Variants in RIPOR2 observed in about 807,000 individuals in gnomAD.
RIPOR2 encodes RHO family interacting cell polarization regulator 2.
In RIPOR2, 39 loss-of-function variants were observed where a neutral mutation model predicts 114.5. The observed-to-expected ratio is 0.34, with a 90% CI of 0.26 to 0.44. RIPOR2 has a LOEUF of 0.44. RIPOR2 is among the 20% of genes least tolerant of loss of function. The pLI, the probability that RIPOR2 is intolerant of heterozygous loss-of-function variation, is 1.00. For missense variants in RIPOR2, 1,007 were observed against 1,255.1 expected, an observed-to-expected ratio of 0.80 and a Z score of 2.99; for synonymous variants, 445 against 484.4, an observed-to-expected ratio of 0.92 and a Z score of 1.07.
chr6:24,962,682 G>A (rs1001843418), intron 1 of RIPOR2, among the ~76,000 whole-genome samples: 1 of 152,032 alleles, frequency 6.6e-6, no homozygotes, highest in Non-Finnish European at 1.5e-5. Flanking sequence ...CCACTTAATA[G>A]CATTTGAAAA....
intron 1 of RIPOR2, among the ~76,000 whole-genome samples, chr6:24,997,817 C>T (rs116145964): frequency 6.6e-4 from 100 of 152,242 alleles, no homozygotes; most frequent in African/African-American, 2.3e-3. Context: ...CAGTGATTCC[C>T]GAAGTGTGGC....
rs1200843706 is a variant in RIPOR2 at position 24,905,214 on chromosome 6, TCCTGAC to T, written c.62-29403_62-29398del. Among the ~76,000 whole-genome samples the T allele has an allele frequency of 2.0e-5, 3 of 152,320 alleles. No homozygotes were observed. The East Asian group carries it at 5.8e-4, about 29-fold the overall frequency. On this transcript the variant is annotated intron_variant, in intron 1 of 21. Coordinates refer to ENST00000643898, the MANE Select transcript of RIPOR2 (RefSeq NM_001286445.3). ...AACTTAGAGAGCATTTGGTTGGCCT[TCCTGAC>T]CCAACAATCCTGTAACCCTTTTTAT...
intron 15 of RIPOR2, 85 bp downstream of exon 15, chr6:24,835,618 C>A: frequency 7.3e-7 from 1 of 1,370,876 alleles, no homozygotes; most frequent in Non-Finnish European, 1.0e-6. Context: ...ATTCTCATTT[C>A]CCTGGCAACA....
intron 1 of RIPOR2, among the ~76,000 whole-genome samples, chr6:25,008,734 G>T (rs1407942669): frequency 6.6e-6 from 1 of 152,224 alleles, no homozygotes; most frequent in Non-Finnish European, 1.5e-5. Context: ...TCTGACATCT[G>T]CTCCAAGAAT....
chr6:24,847,542 A>G (rs1748547548), intron 12 of RIPOR2: 2 of 1,551,338 alleles, frequency 1.3e-6, no homozygotes, highest in Non-Finnish European at 8.7e-7. Flanking sequence ...CCACACTCAC[A>G]TAGAGCTCTA....
intron 1 of RIPOR2, among the ~76,000 whole-genome samples, chr6:25,002,830 C>T (rs1775380036): frequency 6.6e-6 from 1 of 152,198 alleles, no homozygotes. Context: ...TGACAATTGC[C>T]TGAGCATTGT....
intron 1 of RIPOR2, among the ~76,000 whole-genome samples, chr6:24,897,848 C>A (rs181280530): frequency 6.6e-6 from 1 of 152,020 alleles, no homozygotes; most frequent in Non-Finnish European, 1.5e-5. Flanking sequence ...CTCACTGCAA[C>A]CTCCACCTCC....
chr6:24,918,852 G>C (rs1770275420), intron 1 of RIPOR2, among the ~76,000 whole-genome samples: 1 of 152,116 alleles, frequency 6.6e-6, no homozygotes, highest in Non-Finnish European at 1.5e-5. Context: ...TCTGAATCCA[G>C]CTGCATGCTA....
At position 25,010,580 on chromosome 6, in the gene RIPOR2, T is replaced by C. The variant is rs181134555; in HGVS notation, c.76+31271A>G. Among the ~76,000 whole-genome samples the C allele has an allele frequency of 9.3e-4, 141 of 152,322 alleles. 1 individual carries two copies. The highest frequency in any genetic ancestry group is 3.2e-3 in the African/African-American group (134 of 41,570). On this transcript the variant is annotated intron_variant, in intron 1 of 13. Transcript: ENST00000510784. ...AAATTAGAATTATTTTAAAATTACT[T>C]TTTCTTGTTAGATGGCATTTTTTGA...
chr6:24,901,351 A>G (rs1051293700), intron 1 of RIPOR2, among the ~76,000 whole-genome samples: 2 of 151,618 alleles, frequency 1.3e-5, no homozygotes, highest in Admixed American at 1.3e-4. Flanking sequence ...GGAAAGAGCC[A>G]TTTTGTGACA....
At chr6:24,926,431 T>C (rs1581812890) in intron 1 of RIPOR2, among the ~76,000 whole-genome samples, 1 of 152,326 alleles carries the variant, frequency 6.6e-6, no homozygotes, top group African/African-American at 2.4e-5. Context: ...GGAGACCAGA[T>C]TGATTAAAGC....
intron 1 of RIPOR2, among the ~76,000 whole-genome samples, chr6:25,029,979 T>C (rs1295568090): frequency 6.6e-6 from 1 of 151,998 alleles, no homozygotes; most frequent in Admixed American, 6.6e-5. Flanking sequence ...GTGGGAGAAC[T>C]AGACAGCCAG....
chr6:24,955,571 T>C (rs987542038), intron 1 of RIPOR2, among the ~76,000 whole-genome samples: 2 of 151,964 alleles, frequency 1.3e-5, no homozygotes, highest in African/African-American at 4.8e-5. Flanking sequence ...TCAGAGAAAA[T>C]ATAGACCATC....
chr6:24,939,903 A>T (rs1772028846), upstream of RIPOR2, among the ~76,000 whole-genome samples: 1 of 152,246 alleles, frequency 6.6e-6, no homozygotes, highest in Admixed American at 6.5e-5. Flanking sequence ...ACAGGAACAT[A>T]GCAAAGCTTT....
intron 1 of RIPOR2, among the ~76,000 whole-genome samples, chr6:24,951,501 C>T (rs564014574): frequency 2.5e-4 from 38 of 152,308 alleles, no homozygotes; most frequent in African/African-American, 9.1e-4. Flanking sequence ...TCAAAAGCAG[C>T]TTAAAGAGAA....
In RIPOR2 at chr6:24,805,670, G is replaced by A. The variant is rs758129993; in HGVS notation, c.*703C>T. ...GGGGACTACTCAACCCTGAGAACAC[G>A]ACCGAGAAAAACTGCAAGGCATATG... On this transcript the variant is annotated 3_prime_UTR_variant, in exon 22 of 22. Transcript: ENST00000643898. The A allele has an allele frequency of 1.3e-5, 2 of 152,072 alleles. No homozygotes were observed. The highest frequency in any genetic ancestry group is 6.6e-5 in the Admixed American group (1 of 15,264). The allele number at this position is 152,072 out of a possible 1,614,324, so 9.4% of individuals were successfully genotyped here.
chr6:24,831,977 G>A (rs1045352635), intron 16 of RIPOR2, among the ~76,000 whole-genome samples: 1 of 152,172 alleles, frequency 6.6e-6, no homozygotes, highest in African/African-American at 2.4e-5. Context: ...CCAGCAGAAA[G>A]TCTGTGAAAC....
chr6:24,825,373 C>T lies in RIPOR2; in HGVS notation c.2721G>A (p.Met907Ile), dbSNP rs999278063. ...GGAGGTTGCTGGGAGCAAGGTCACTCATGGTTTGTAGCAGTTTTTCATCTC... is the reference window on the plus strand; with the variant it reads ...GGAGGTTGCTGGGAGCAAGGTCACTTATGGTTTGTAGCAGTTTTTCATCTC... ...SLRDEKLLQT[M>I]SDLAPSNLLA... The change falls in exon 19 of 22, where the codon ATG (methionine) becomes ATA (isoleucine). Residue 907 changes from methionine to isoleucine, a missense_variant. Physicochemically the swap from Met to Ile is conservative, Grantham distance 10 (BLOSUM62 1). Transcript: ENST00000643898. The T allele has an allele frequency of 3.5e-5, 54 of 1,552,000 alleles. No individual in the cohort carries two copies. The highest frequency in any genetic ancestry group is 1.7e-4 in the Middle Eastern group (1 of 6,018).
In RIPOR2 at chr6:24,849,864, C is replaced by T; in HGVS notation, c.972G>A (p.Gln324=). 1 of 1,613,830 alleles carries T rather than the reference C, an allele frequency of 6.2e-7. No individual in the cohort carries two copies. The highest frequency in any genetic ancestry group is 8.5e-7 in the Non-Finnish European group (1 of 1,179,770). The change falls in exon 11 of 22, where the codon CAG becomes CAA. Residue 324 remains glutamine (Q), a synonymous_variant. Transcript: ENST00000643898. The stretch of plus-strand genomic sequence containing the variant: ...GGTCATTGATGTCGACAGCCACTAC[C>T]TGAGGTCGGGCTGCAAACAGCTCTT... ...ETKELFAARP[Q]VVAVDINDLG...
Sources: gnomAD v4.1 joint callset for allele counts (sites outside exome capture counted in the v4.1 genomes callset) on GRCh38, gnomAD v4.1.1 for gene constraint, MANE v1.5 for transcripts, NCBI Gene and HGNC (gene_info 2026-07-23, HGNC 2026-07-21) for gene names.